The following LARGE1 variants were observed in gnomAD, a reference collection of about 807,000 sequenced individuals.
LARGE1 encodes the protein xylosyl- and glucuronyltransferase LARGE1.
LARGE1 carries 43 observed loss-of-function variants against 87.6 expected under a neutral mutation model. The observed-to-expected ratio is 0.49, with a 90% CI of 0.38 to 0.63. The LOEUF (loss-of-function observed/expected upper bound fraction) is 0.63, where lower values mean the gene tolerates loss of function less well. Among genes scored for constraint, LARGE1 ranks in the 30% least tolerant of loss-of-function variants. The probability of loss-of-function intolerance (pLI) is 0.00; values close to 1 mark genes in which losing one functional copy is unlikely to be tolerated. For missense variants in LARGE1, 802 were observed against 1,000.2 expected (o/e 0.80, Z 2.67); for synonymous variants, 434 against 394.6 (o/e 1.10, Z -1.18).
At chr22:33,567,608 T>TA (rs912079544) in intron 5 of LARGE1, among the ~76,000 whole-genome samples, 4 of 151,806 alleles carry the variant, frequency 2.6e-5, no homozygotes, top group Non-Finnish European at 5.9e-5. Context: ...ATTTCTTTTT[T>TA]AAAAAATTTT....
chr22:33,495,414 C>A (rs1262816751), intron 6 of LARGE1, among the ~76,000 whole-genome samples: 1 of 152,100 alleles, frequency 6.6e-6, no homozygotes, highest in Non-Finnish European at 1.5e-5. Context: ...TAGCACTTGC[C>A]CAGGACAGAG....
At chr22:33,838,293 G>T (rs763429537) in intron 1 of LARGE1, among the ~76,000 whole-genome samples, 4 of 152,074 alleles carry the variant, frequency 2.6e-5, no homozygotes, top group Admixed American at 6.6e-5. Context: ...CTGAAATCTC[G>T]TCTATTCAAT....
chr22:33,215,858 A>C (rs1331245478), intron 11 of LARGE1, among the ~76,000 whole-genome samples: 2 of 152,212 alleles, frequency 1.3e-5, no homozygotes, highest in African/African-American at 4.8e-5. Context: ...CAGGAGGCTG[A>C]GGCAGGAGAA....
At chr22:33,181,622 G>A (rs564765107) in intron 11 of LARGE1, among the ~76,000 whole-genome samples, 69 of 151,364 alleles carry the variant, frequency 4.6e-4, no homozygotes, top group African/African-American at 1.6e-3. Context: ...TCCGACTCCT[G>A]GGTTCATGCC....
chr22:33,305,521 T>G (rs1934761132), intron 11 of LARGE1: 1 of 934,878 alleles, frequency 1.1e-6, no homozygotes, highest in Non-Finnish European at 1.3e-6. Flanking sequence ...ACTTGAATTG[T>G]TTTTCCTTAC....
the LARGE1 span, chr22:33,137,209 C>T: frequency 1.3e-5 from 2 of 152,204 alleles, no homozygotes; most frequent in Admixed American, 6.5e-5. Context: ...ATCATCTTCA[C>T]AGGGGTCCTG....
chr22:33,685,410 T>C (rs1483289149), intron 2 of LARGE1, among the ~76,000 whole-genome samples: 5 of 152,224 alleles, frequency 3.3e-5, no homozygotes, highest in Admixed American at 3.3e-4. Context: ...CCCAGTCATA[T>C]TCCTTGGGAG....
At chr22:33,187,958 A>AAAAAAAAAAG (rs1568965475) in intron 11 of LARGE1, among the ~76,000 whole-genome samples, 2 of 107,472 alleles carry the variant, frequency 1.9e-5, no homozygotes, top group African/African-American at 3.5e-5. Context: ...AAAAAAAAAA[A>AAAAAAAAAAG]AATCACTAAG....
chr22:33,759,887 G>C (rs2084660172), intron 2 of LARGE1, among the ~76,000 whole-genome samples: 1 of 152,144 alleles, frequency 6.6e-6, no homozygotes, highest in African/African-American at 2.4e-5. Flanking sequence ...CTGCTTAGAT[G>C]AAGGTTCTGA....
chr22:33,292,340 T>A (rs1932736095), intron 12 of LARGE1, among the ~76,000 whole-genome samples: 1 of 151,976 alleles, frequency 6.6e-6, no homozygotes, highest in Admixed American at 6.6e-5. Context: ...AGAAAAATAA[T>A]CCATCACTGA....
chr22:33,559,190 CTT>C (rs1235617970), intron 6 of LARGE1, among the ~76,000 whole-genome samples: 1 of 152,016 alleles, frequency 6.6e-6, no homozygotes, highest in Non-Finnish European at 1.5e-5. Flanking sequence ...GATGGTACAC[CTT>C]TTTTTTGAGA....
intron 9 of LARGE1, among the ~76,000 whole-genome samples, chr22:33,370,895 G>C (rs903469849): frequency 2.7e-5 from 4 of 148,314 alleles, no homozygotes; most frequent in Non-Finnish European, 6.0e-5. Flanking sequence ...AATATTAATG[G>C]ATATAACAAT....
intron 5 of LARGE1, among the ~76,000 whole-genome samples, chr22:33,599,029 A>C (rs1300353502): frequency 1.3e-5 from 2 of 152,190 alleles, no homozygotes; most frequent in Non-Finnish European, 2.9e-5. Context: ...AAGCCATGGA[A>C]AAGAGGAATT....
At chr22:33,086,781 G>C in the LARGE1 span, among the ~76,000 whole-genome samples, 4 of 152,066 alleles carry the variant, frequency 2.6e-5, no homozygotes, top group Non-Finnish European at 5.9e-5. Flanking sequence ...TCGATCTCCT[G>C]ACCTTGTGAT....
rs184774845 is a variant in LARGE1 at position 33,798,753 on chromosome 22, A to G, written c.-82-37195T>C. On this transcript the variant is annotated intron_variant, in intron 1 of 14. Coordinates refer to ENST00000397394, the MANE Select transcript of LARGE1 (RefSeq NM_133642.5). ...ATGCACAAAGAAAAACTGGCACCTC[A>G]CTAGCTTCATTGGGTCCATGACACA... Among the ~76,000 whole-genome samples the G allele has an allele frequency of 2.6e-3, 391 of 152,280 alleles. 4 individuals carry two copies. Among genetic ancestry groups the G allele is most frequent in the African/African-American group, 8.9e-3 (368 of 41,556 alleles).
chr22:33,089,184 G>C, the LARGE1 span, among the ~76,000 whole-genome samples: 1 of 152,246 alleles, frequency 6.6e-6, no homozygotes, highest in East Asian at 1.9e-4. Flanking sequence ...AACTCTTCTT[G>C]CTGACTTTGA....
At chr22:33,824,622 G>A (rs16993099) in intron 1 of LARGE1, among the ~76,000 whole-genome samples, 2 of 152,034 alleles carry the variant, frequency 1.3e-5, no homozygotes, top group Non-Finnish European at 2.9e-5. Context: ...CATTCATTGA[G>A]GACCTGTGCT....
chr22:33,194,588 A>G (rs969862746), intron 11 of LARGE1, among the ~76,000 whole-genome samples: 1 of 152,206 alleles, frequency 6.6e-6, no homozygotes, highest in African/African-American at 2.4e-5. Flanking sequence ...TTGAATGTTA[A>G]GAACTTCTGT....
At chr22:33,388,722 C>T (rs113549273) in intron 7 of LARGE1, among the ~76,000 whole-genome samples, 59 of 152,298 alleles carry the variant, frequency 3.9e-4, no homozygotes, top group African/African-American at 1.3e-3. Context: ...CACACCACCA[C>T]GCCTGGCTGA....
Sources: gnomAD v4.1 joint callset for allele counts (sites outside exome capture counted in the v4.1 genomes callset) on GRCh38, gnomAD v4.1.1 for gene constraint, MANE v1.5 for transcripts, NCBI Gene and HGNC (gene_info 2026-07-23, HGNC 2026-07-21) for gene names.